The following CLIP2 variants were observed in gnomAD, a reference collection of about 807,000 sequenced individuals.
CLIP2 encodes the protein CAP-Gly domain containing linker protein 2.
A neutral mutation model predicts 111.7 loss-of-function variants in CLIP2; 41 were observed. The ratio of observed to expected loss-of-function variants is 0.37; its 90% CI spans 0.29 to 0.48. The LOEUF (loss-of-function observed/expected upper bound fraction) is 0.48, where lower values mean the gene tolerates loss of function less well. CLIP2 is among the 20% of genes least tolerant of loss of function. CLIP2 has a pLI of 0.99. For synonymous variants in CLIP2, 660 were observed against 644.2 expected (o/e 1.02, Z -0.37); for missense variants, 1,160 against 1,422.1 (o/e 0.82, Z 2.96).
intron 1 of CLIP2, among the ~76,000 whole-genome samples, chr7:74,299,316 C>A (rs1554726439): frequency 6.7e-6 from 1 of 148,882 alleles, no homozygotes; most frequent in African/African-American, 2.5e-5. Context: ...CACAGCAAGA[C>A]CCTGTCTAAA....
chr7:74,390,211 AAGAAAG>A (rs1429021273), intron 13 of CLIP2, among the ~76,000 whole-genome samples: 1 of 95,732 alleles, frequency 1.0e-5, no homozygotes, highest in African/African-American at 3.8e-5. Context: ...GAAAGAAAGA[AAGAAAG>A]AAAGAAAGGA....
rs1487105092 is a variant in CLIP2, at chr7:74,376,920, T to G, written c.2421+98T>G. On this transcript the variant is annotated intron_variant, in intron 10 of 16. Coordinates refer to ENST00000223398, the MANE Select transcript of CLIP2 (RefSeq NM_003388.5). This position sits in a 1 kb window ranked among gnomAD's most constrained non-coding sequence, Gnocchi z 7.1. ...TCTGCAGCCCAGGAAGCATTTCCCTTGTCCCCGAGAGCATGCCTGGGGCAG... is the reference window on the plus strand; with the variant it reads ...TCTGCAGCCCAGGAAGCATTTCCCTGGTCCCCGAGAGCATGCCTGGGGCAG... 11 of 1,217,798 alleles carry G rather than the reference T, an allele frequency of 9.0e-6. No individual in the cohort carries two copies. The African/African-American group carries it at 1.4e-4, about 15-fold the overall frequency. 75.4% of individuals were successfully genotyped at this position (1,217,798 alleles called of 1,614,324 possible). A position where few individuals can be genotyped will look rare whatever the true frequency, so the allele number is the denominator to read the frequency against.
Position 74,389,188 on chromosome 7 carries a change from C to A in CLIP2, c.2649C>A (p.Thr883=). The A allele has an allele frequency of 6.2e-7, 1 of 1,613,504 alleles. No homozygotes were observed. Among genetic ancestry groups the A allele is most frequent in the Non-Finnish European group, 8.5e-7 (1 of 1,179,858 alleles). ...EKRRLEAELE[T]VSRKTHDASG... ...GGCGCCTGGAGGCAGAGCTGGAGAC[C>A]GTGTCCCGGAAGACCCATGACGCCT... is the stretch of plus-strand genomic sequence containing the variant. The change falls in exon 13 of 17, where the codon ACC becomes ACA. Residue 883 remains threonine, a synonymous_variant. Transcript: ENST00000223398.
Position 74,338,729 on chromosome 7 carries a change from C to T in CLIP2, c.403C>T (p.Leu135Phe), listed in dbSNP as rs782543322. ...CGTGCGCTACTTCGAGTGCCCGGCC[C>T]TCCAGGGTATCTTCACGCGGCCCTC... is the stretch of plus-strand genomic sequence containing the variant. ...GGVRYFECPA[L>F]QGIFTRPSKL... is the part of the protein sequence containing the mutation. The change falls in exon 3 of 17, where the codon CTC becomes TTC. Residue 135 changes from leucine to phenylalanine, a missense_variant. Around this residue, in one of 5 missense-constraint regions of CLIP2, gnomAD observed 301 missense variants for 315.2 expected, o/e 0.96. Transcript: ENST00000223398. The surrounding 1 kb of genome is among the most constrained non-coding windows in gnomAD (Gnocchi z 4.3). 3 of 1,595,262 alleles carry T rather than the reference C, an allele frequency of 1.9e-6. No individual in the cohort carries two copies. Among genetic ancestry groups the T allele is most frequent in the Non-Finnish European group, 2.6e-6 (3 of 1,173,866 alleles).
intron 2 of CLIP2, among the ~76,000 whole-genome samples, chr7:74,320,775 G>T (rs1340261237): frequency 6.6e-6 from 1 of 152,124 alleles, no homozygotes; most frequent in African/African-American, 2.4e-5. Context: ...CAGGGCAGTG[G>T]GTGGAGTTTG....
intron 13 of CLIP2, among the ~76,000 whole-genome samples, chr7:74,396,762 C>A (rs921348582): frequency 6.6e-6 from 1 of 152,138 alleles, no homozygotes; most frequent in African/African-American, 2.4e-5. Context: ...CTCAAATGAT[C>A]CGCCCACCTC....
At chr7:74,307,381 T>C (rs965565081) in intron 1 of CLIP2, among the ~76,000 whole-genome samples, 7 of 152,196 alleles carry the variant, frequency 4.6e-5, no homozygotes, top group African/African-American at 1.7e-4. Context: ...TCCCCGAACT[T>C]CTCTGCACTC....
chr7:74,338,537 G>C lies in CLIP2; in HGVS notation c.211G>C (p.Val71Leu), dbSNP rs536187646. ...GAAGCCGGGCCCCAAGGCGGCGGAA[G>C]TGGGGGATGACTTCCTGGGGGACTT... ...PEKPGPKAAEVGDDFLGDFVV... is the reference protein window; with the variant it reads ...PEKPGPKAAELGDDFLGDFVV... The change falls in exon 3 of 17, where the codon GTG becomes CTG. Residue 71 changes from valine to leucine, a missense_variant. By Grantham distance (32) the Val-to-Leu change is conservative (BLOSUM62 1). Around this residue, in one of 5 missense-constraint regions of CLIP2, gnomAD observed 301 missense variants for 315.2 expected, o/e 0.96. Transcript: ENST00000223398. The surrounding 1 kb of genome is among the most constrained non-coding windows in gnomAD (Gnocchi z 4.3). 3.2e-5 allele frequency: 52 copies of C among 1,602,640 alleles called. 1 individual carries two copies. In the South Asian group the frequency reaches 5.6e-4, roughly 17 times the overall value.
Position 74,376,823 on chromosome 7 carries a change from G to C in CLIP2, c.2421+1G>C. 1 of 1,573,388 alleles carries C rather than the reference G, an allele frequency of 6.4e-7. No individual in the cohort carries two copies. The highest frequency in any genetic ancestry group is 8.6e-7 in the Non-Finnish European group (1 of 1,160,650). On this transcript the variant is annotated splice_donor_variant, in intron 10 of 16. Coordinates refer to ENST00000223398, the MANE Select transcript of CLIP2 (RefSeq NM_003388.5). LOFTEE classifies it high-confidence loss of function. The surrounding 1 kb of genome is among the most constrained non-coding windows in gnomAD (Gnocchi z 7.1). ...CCTGTGCTCCTCCCAGCACACCCAC[G>C]TAGGCGCCTGCCCCTCCTGCTGGGG...
At chr7:74,323,017 C>T (rs1361931650) in intron 2 of CLIP2, among the ~76,000 whole-genome samples, 2 of 152,106 alleles carry the variant, frequency 1.3e-5, no homozygotes, top group African/African-American at 4.8e-5. Flanking sequence ...GTATGAGCCA[C>T]CGCGCCTGGC....
Position 74,332,460 on chromosome 7 carries a change from C to CTTTTTTT in CLIP2, c.122-5974_122-5968dup, listed in dbSNP as rs386410474. Among the ~76,000 whole-genome samples, 274 of 110,236 alleles carry CTTTTTTT rather than the reference C, an allele frequency of 2.5e-3. 10 individuals carry two copies. Among genetic ancestry groups the CTTTTTTT allele is most frequent in the Middle Eastern group, 7.6e-3 (1 of 132 alleles). 72.3% of individuals were successfully genotyped at this position (110,236 alleles called of 152,430 possible). A position where few individuals can be genotyped will look rare whatever the true frequency, so the allele number is the denominator to read the frequency against. On this transcript the variant is annotated intron_variant, in intron 2 of 16. Transcript: ENST00000223398. ...ATGCCTCACTGCAGCCTAGAATTCT[C>CTTTTTTT]TTTTTTTTTTTTTTTTTTTTAGAGA...
chr7:74,386,369 T>C, intron 11 of CLIP2, 152 bp from the exon 12 acceptor site: 1 of 589,350 alleles, frequency 1.7e-6, no homozygotes, highest in Non-Finnish European at 2.9e-6. Flanking sequence ...CAGGAGGGGT[T>C]ACCCAGCGAG....
intron 8 of CLIP2, among the ~76,000 whole-genome samples, chr7:74,367,137 A>G (rs959899075): frequency 3.9e-5 from 6 of 151,910 alleles, no homozygotes; most frequent in African/African-American, 1.4e-4. Context: ...AACTAACTAC[A>G]TGTGCAAGAC....
At chr7:74,334,443 G>T (rs782284881) in intron 2 of CLIP2, among the ~76,000 whole-genome samples, 21 of 152,112 alleles carry the variant, frequency 1.4e-4, no homozygotes, top group Non-Finnish European at 2.8e-4. Flanking sequence ...GACAGCTGGG[G>T]ACAAGGACAG....
Position 74,397,107 on chromosome 7 carries a change from G to A in CLIP2, c.2754G>A (p.Glu918=), listed in dbSNP as rs1554316773. ...SLNELRVLLL[E]ANRHSPGPER... ...ACGAACTGCGGGTGTTGCTGCTGGA[G>A]GCCAATCGTCACTCCCCAGGGCCGG... The change falls in exon 14 of 17, where the codon GAG becomes GAA. Residue 918 remains glutamate, a synonymous_variant. Coordinates refer to ENST00000223398, the MANE Select transcript of CLIP2 (RefSeq NM_003388.5). 6.2e-7 allele frequency: 1 copy of A among 1,613,806 alleles called. No individual in the cohort carries two copies. The highest frequency in any genetic ancestry group is 1.3e-5 in the African/African-American group (1 of 74,966).
chr7:74,384,089 T>C (rs562518552), intron 11 of CLIP2, among the ~76,000 whole-genome samples: 111 of 152,258 alleles, frequency 7.3e-4, no homozygotes, highest in Non-Finnish European at 1.4e-3. Flanking sequence ...CGCAGGAAGA[T>C]GAGGCAGAGA....
At position 74,356,427 on chromosome 7, in the gene CLIP2, C is replaced by G; in HGVS notation, c.821C>G (p.Pro274Arg). ...TTCCACAGGTACTTCCAGTGCCCAC[C>G]CAAGTTTGGTCTCTTCGCGCCCATC... ...VAGTRYFQCP[P>R]KFGLFAPIHK... Residue 274 changes from proline (P) to arginine (R), a missense_variant, in exon 5 of 17, where the codon CCC (proline) becomes CGC (arginine). Around this residue, in one of 5 missense-constraint regions of CLIP2, gnomAD observed 110 missense variants for 185.2 expected, o/e 0.59. Transcript: ENST00000223398. The G allele has an allele frequency of 6.2e-7, 1 of 1,614,198 alleles. No individual in the cohort carries two copies. Among genetic ancestry groups the G allele is most frequent in the Non-Finnish European group, 8.5e-7 (1 of 1,180,044 alleles).
At chr7:74,360,390 T>A in intron 7 of CLIP2, 112 bp downstream of exon 7, 1 of 701,272 alleles carries the variant, frequency 1.4e-6, no homozygotes, top group Non-Finnish European at 2.4e-6. Context: ...TGTCACTGCC[T>A]CTGGCTGTGT....
Position 74,369,966 on chromosome 7 carries a change from T to G in CLIP2, c.1381-2966T>G, listed in dbSNP as rs186655567. The stretch of plus-strand genomic sequence containing the variant: ...CGAGGTCAGGAGCTCCAAACCAGCC[T>G]GGCTAACATGGCGAAACCCCATCTC... On this transcript the variant is annotated intron_variant, in intron 8 of 16. Transcript: ENST00000223398. 5.8e-4 allele frequency among the ~76,000 whole-genome samples: 47 copies of G among 81,174 alleles called. 4 individuals carry two copies. The highest frequency in any genetic ancestry group is 1.6e-3 in the African/African-American group (46 of 28,584). 53.3% of individuals were successfully genotyped at this position (81,174 alleles called of 152,430 possible). A position where few individuals can be genotyped will look rare whatever the true frequency, so the allele number is the denominator to read the frequency against.
Sources: allele counts gnomAD v4.1 joint callset (sites outside exome capture counted in the v4.1 genomes callset), GRCh38; gene constraint gnomAD v4.1.1; regional missense constraint gnomAD v4.1.1; non-coding constraint Gnocchi (gnomAD v3.1); transcripts MANE v1.5; gene names NCBI Gene and HGNC (gene_info 2026-07-23, HGNC 2026-07-21).